The following DLG2 variants were observed in gnomAD, a reference collection of about 807,000 sequenced individuals.
DLG2 encodes disks large homolog 2.
A neutral mutation model predicts 132.5 loss-of-function variants in DLG2; 45 were observed. The ratio of observed to expected loss-of-function variants is 0.34; its 90% confidence interval spans 0.27 to 0.44. The LOEUF (loss-of-function observed/expected upper bound fraction) is 0.44, where lower values mean the gene tolerates loss of function less well. Among genes scored for constraint, DLG2 ranks in the 20% least tolerant of loss-of-function variants. The pLI is 1.00. For synonymous variants in DLG2, 424 were observed against 419.6 expected, an observed-to-expected ratio of 1.01 and a Z score of -0.13; for missense variants, 1,045 against 1,196.9, an observed-to-expected ratio of 0.87 and a Z score of 1.87.
intron 6 of DLG2, among the ~76,000 whole-genome samples, chr11:84,948,586 A>G (rs1051744111): frequency 6.6e-6 from 1 of 152,246 alleles, no homozygotes; most frequent in African/African-American, 2.4e-5. Context: ...TCCCTGAAGA[A>G]CAGCACATTT....
chr11:85,569,122 C>T lies in DLG2; in HGVS notation c.40+29535G>A, dbSNP rs148186507. Among the ~76,000 whole-genome samples the T allele has an allele frequency of 5.6e-3, 860 of 152,308 alleles. 3 individuals carry two copies. Among genetic ancestry groups the T allele is most frequent in the Non-Finnish European group, 8.6e-3 (584 of 68,014 alleles). ...TCTCAGCTCACTGCAACCTCCACCT[C>T]CCAGGTTTGAGCAATTCTCCTTCCT... On this transcript the variant is annotated intron_variant, in intron 3 of 27. Coordinates refer to ENST00000376104, the MANE Select transcript of DLG2 (RefSeq NM_001142699.3).
intron 5 of DLG2, among the ~76,000 whole-genome samples, chr11:85,142,396 G>A (rs547797105): frequency 1.4e-4 from 21 of 151,624 alleles, no homozygotes; most frequent in Non-Finnish European, 2.4e-4. Flanking sequence ...AATACTTTTT[G>A]TATGTTGATT....
intron 3 of DLG2, among the ~76,000 whole-genome samples, chr11:85,489,446 T>C (rs1419660473): frequency 1.3e-5 from 2 of 151,908 alleles, no homozygotes; most frequent in South Asian, 4.2e-4. Context: ...AGAGGGACAG[T>C]AAAACAATAA....
chr11:84,672,321 T>C (rs1044786756), intron 6 of DLG2, among the ~76,000 whole-genome samples: 1 of 152,048 alleles, frequency 6.6e-6, no homozygotes, highest in Non-Finnish European at 1.5e-5. Context: ...GACATATCTA[T>C]GTATTGAGAA....
intron 19 of DLG2, among the ~76,000 whole-genome samples, chr11:83,578,569 A>G (rs2096919600): frequency 6.6e-6 from 1 of 152,180 alleles, no homozygotes; most frequent in Non-Finnish European, 1.5e-5. Context: ...AGAGATGGAA[A>G]AAATATATAC....
At chr11:85,626,949 AC>A (rs1249993141) in intron 1 of DLG2, among the ~76,000 whole-genome samples, 196 bp from the exon 2 acceptor site, 2 of 152,214 alleles carry the variant, frequency 1.3e-5, no homozygotes, top group African/African-American at 4.8e-5. Context: ...TCAGGCAGCA[AC>A]ATTTTTGGAA....
At chr11:85,615,271 T>C (rs1354776158) in intron 2 of DLG2, among the ~76,000 whole-genome samples, 1 of 152,040 alleles carries the variant, frequency 6.6e-6, no homozygotes, top group African/African-American at 2.4e-5. Flanking sequence ...AATCCCAGCA[T>C]TTTGGGAGGC....
chr11:84,862,949 T>C (rs556767581), intron 6 of DLG2, among the ~76,000 whole-genome samples: 1 of 151,846 alleles, frequency 6.6e-6, no homozygotes, highest in African/African-American at 2.4e-5. Flanking sequence ...GATCTGCACA[T>C]CTATCCCAGA....
At chr11:84,235,129 A>G (rs1458062122) in intron 8 of DLG2, among the ~76,000 whole-genome samples, 2 of 152,230 alleles carry the variant, frequency 1.3e-5, no homozygotes, top group Non-Finnish European at 2.9e-5. Context: ...TGCCAATCAG[A>G]AAATCTTTGA....
chr11:85,285,581 G>C (rs1277281671), intron 3 of DLG2, among the ~76,000 whole-genome samples: 1 of 151,852 alleles, frequency 6.6e-6, no homozygotes, highest in Non-Finnish European at 1.5e-5. Flanking sequence ...ACAAAAACTA[G>C]AACAAATCCT....
At chr11:83,496,540 T>G (rs532385725) in intron 21 of DLG2, among the ~76,000 whole-genome samples, 12 of 152,184 alleles carry the variant, frequency 7.9e-5, no homozygotes, top group Non-Finnish European at 1.6e-4. Flanking sequence ...AACTGGAAAC[T>G]ACCCTAATAT....
In DLG2 at chr11:84,810,026, T is replaced by C. The variant is rs375005129; in HGVS notation, c.358-275295A>G. Among the ~76,000 whole-genome samples the C allele has an allele frequency of 5.9e-5, 9 of 151,938 alleles. No homozygotes were observed. The South Asian group carries it at 8.3e-4, about 14-fold the overall frequency. On this transcript the variant is annotated intron_variant, in intron 6 of 27. Coordinates refer to ENST00000376104, the MANE Select transcript of DLG2 (RefSeq NM_001142699.3). ...AAACACCAATAAGCAAAAATAGAAATAAAATAAAATCTCAACCTAAATCTT... is the reference window on the plus strand; with the variant it reads ...AAACACCAATAAGCAAAAATAGAAACAAAATAAAATCTCAACCTAAATCTT...
At chr11:84,505,450 A>G (rs985204740) in intron 7 of DLG2, among the ~76,000 whole-genome samples, 2 of 152,218 alleles carry the variant, frequency 1.3e-5, no homozygotes, top group Admixed American at 6.5e-5. Context: ...TTGGGACTAC[A>G]GACCTAGTAA....
intron 7 of DLG2, among the ~76,000 whole-genome samples, chr11:84,432,293 A>G (rs1177633673): frequency 6.6e-6 from 1 of 152,214 alleles, no homozygotes; most frequent in Non-Finnish European, 1.5e-5. Context: ...ATTTGAAAGT[A>G]GTTCAGAATT....
chr11:84,225,412 G>C (rs948057794), intron 8 of DLG2, among the ~76,000 whole-genome samples: 1 of 152,182 alleles, frequency 6.6e-6, no homozygotes, highest in African/African-American at 2.4e-5. Flanking sequence ...TTAAAATCCT[G>C]CTCTGTATAT....
intron 4 of DLG2, among the ~76,000 whole-genome samples, chr11:85,238,638 T>C (rs977816132): frequency 6.6e-6 from 1 of 152,134 alleles, no homozygotes; most frequent in Admixed American, 6.6e-5. Context: ...TTCTTCTTCC[T>C]TCTTTTTTAA....
intron 7 of DLG2, among the ~76,000 whole-genome samples, chr11:84,400,910 A>G (rs2098827153): frequency 1.3e-5 from 2 of 152,118 alleles, no homozygotes; most frequent in South Asian, 4.1e-4. Context: ...GTCTACTGCA[A>G]TAACATCAGC....
At chr11:83,562,090 T>C (rs1176307650) in intron 19 of DLG2, among the ~76,000 whole-genome samples, 2 of 151,974 alleles carry the variant, frequency 1.3e-5, no homozygotes, top group Non-Finnish European at 2.9e-5. Context: ...GGTTTCACCA[T>C]GTTGGCCAGG....
At chr11:85,611,148 A>T (rs147522343) in intron 2 of DLG2, among the ~76,000 whole-genome samples, 6,543 of 152,276 alleles carry the variant, frequency 0.043, 182 homozygotes, top group East Asian at 0.088. Context: ...CCAGTGGCAT[A>T]CCTAAGTAAG....
Sources: gnomAD v4.1 joint callset for allele counts (sites outside exome capture counted in the v4.1 genomes callset) on GRCh38, gnomAD v4.1.1 for gene constraint, MANE v1.5 for transcripts, NCBI Gene and HGNC (gene_info 2026-07-23, HGNC 2026-07-21) for gene names.